NRP1: variants seen among roughly 807,000 people sequenced by gnomAD.
NRP1 encodes the protein neuropilin 1.
A neutral mutation model predicts 106.7 loss-of-function variants in NRP1; 35 were observed. The ratio of observed to expected loss-of-function variants is 0.33; its 90% CI spans 0.25 to 0.43. The LOEUF (loss-of-function observed/expected upper bound fraction) is 0.43, where lower values mean the gene tolerates loss of function less well. Ranked by LOEUF, NRP1 falls within the 20% of genes least tolerant of loss-of-function variation. The probability of loss-of-function intolerance (pLI) is 1.00; values close to 1 mark genes in which losing one functional copy is unlikely to be tolerated. For synonymous variants in NRP1, 437 were observed against 417.9 expected, an observed-to-expected ratio of 1.05 and a Z score of -0.56; for missense variants, 1,024 against 1,170.4, an observed-to-expected ratio of 0.87 and a Z score of 1.83.
At chr10:33,223,580 A>C (rs1477503337) in intron 7 of NRP1, among the ~76,000 whole-genome samples, 1 of 152,090 alleles carries the variant, frequency 6.6e-6, no homozygotes, top group Non-Finnish European at 1.5e-5. Flanking sequence ...GTGAGTTATG[A>C]TTGCACCACT....
rs569120357 is a variant in NRP1, at chr10:33,230,678, A to G, written c.982-4389T>C. 2.6e-4 allele frequency among the ~76,000 whole-genome samples: 39 copies of G among 151,968 alleles called. 1 individual carries two copies. In the South Asian group the frequency reaches 6.3e-3, roughly 24 times the overall value. ...CACTTTCCTACAACTTATCCGCCCTAGAAGCCCAAACCCTCTTTCTTTTCT... is the reference window on the plus strand; with the variant it reads ...CACTTTCCTACAACTTATCCGCCCTGGAAGCCCAAACCCTCTTTCTTTTCT... On this transcript the variant is annotated intron_variant, in intron 6 of 16. Coordinates refer to ENST00000374867, the MANE Select transcript of NRP1 (RefSeq NM_003873.7).
chr10:33,285,032 T>C (rs1055448090), intron 2 of NRP1, among the ~76,000 whole-genome samples: 2 of 152,238 alleles, frequency 1.3e-5, no homozygotes, highest in African/African-American at 4.8e-5. Flanking sequence ...TTCTTTCTCC[T>C]ATTCTGCCTT....
intron 10 of NRP1, among the ~76,000 whole-genome samples, chr10:33,206,582 T>C (rs1837802314): frequency 1.3e-5 from 2 of 152,182 alleles, no homozygotes; most frequent in African/African-American, 2.4e-5. Flanking sequence ...CACAAATAAT[T>C]TTAAAATTGC....
chr10:33,330,957 T>C, intron 1 of NRP1, 75 bp from the exon 2 acceptor site: 1 of 1,310,798 alleles, frequency 7.6e-7, no homozygotes, highest in East Asian at 2.4e-5. Flanking sequence ...TGTAAATTAC[T>C]GGTTATTAAA....
At chr10:33,228,565 T>A (rs1297877890) in intron 6 of NRP1, among the ~76,000 whole-genome samples, 1 of 152,200 alleles carries the variant, frequency 6.6e-6, no homozygotes, top group Non-Finnish European at 1.5e-5. Context: ...GCCTGCCTCA[T>A]GGAGGCATAT....
intron 3 of NRP1, among the ~76,000 whole-genome samples, chr10:33,266,281 G>A (rs879552030): frequency 2.6e-5 from 4 of 152,006 alleles, no homozygotes; most frequent in African/African-American, 7.2e-5. Context: ...TGTGTATTTC[G>A]ACAAAACATG....
At chr10:33,210,952 T>C (rs78631561) in intron 9 of NRP1, among the ~76,000 whole-genome samples, 36 of 152,328 alleles carry the variant, frequency 2.4e-4, no homozygotes, top group Non-Finnish European at 2.5e-4. Flanking sequence ...TGGAAGGGTG[T>C]GTTAAGGAAT....
At chr10:33,202,574 G>GGGT (rs1837414506) in intron 11 of NRP1, 6 of 1,425,682 alleles carry the variant, frequency 4.2e-6, no homozygotes, top group East Asian at 2.6e-5. Context: ...TATTGGGGGG[G>GGGT]GGTCTGAAAA....
Position 33,179,032 on chromosome 10 carries a change from G to A in NRP1, c.*1044C>T, listed in dbSNP as rs887243752. The A allele has an allele frequency of 6.6e-6, 1 of 152,600 alleles. No individual in the cohort carries two copies. Among genetic ancestry groups the A allele is most frequent in the East Asian group, 1.9e-4 (1 of 5,202 alleles). The allele number at this position is 152,600 out of a possible 1,614,324, so 9.5% of individuals were successfully genotyped here. A position where few individuals can be genotyped will look rare whatever the true frequency, so the allele number is the denominator to read the frequency against. On this transcript the variant is annotated 3_prime_UTR_variant, in exon 17 of 17. Transcript: ENST00000374867. Reference sequence around the variant, plus strand: ...AGAGATAGGAGAGAGAAAGAGAAGAGAGTTTACATTTGAAAATACATTCCA... The same window carrying A: ...AGAGATAGGAGAGAGAAAGAGAAGAAAGTTTACATTTGAAAATACATTCCA...
chr10:33,328,730 A>T (rs1022127969), intron 2 of NRP1, among the ~76,000 whole-genome samples: 3 of 152,172 alleles, frequency 2.0e-5, no homozygotes, highest in Admixed American at 2.0e-4. Context: ...CTATGATGAG[A>T]GTATTTACAC....
intron 2 of NRP1, among the ~76,000 whole-genome samples, chr10:33,298,805 C>T (rs12573218): frequency 0.11 from 16,125 of 152,146 alleles, 1,049 homozygotes; most frequent in Non-Finnish European, 0.14. Context: ...ACACGCATAC[C>T]ACCAGGCACA....
intron 2 of NRP1, among the ~76,000 whole-genome samples, chr10:33,323,201 C>A (rs565903909): frequency 1.3e-5 from 2 of 151,616 alleles, no homozygotes; most frequent in Admixed American, 6.6e-5. Context: ...GAAGCCCCCC[C>A]ATCCTTCTGT....
intron 13 of NRP1, 150 bp downstream of exon 13, chr10:33,192,131 G>A (rs1836460237): frequency 2.4e-6 from 2 of 821,934 alleles, no homozygotes; most frequent in South Asian, 4.0e-5. Context: ...AAGAGACATT[G>A]TTAATTCTAG....
chr10:33,186,633 C>A (rs745670663), intron 13 of NRP1, 145 bp from the exon 14 acceptor site: 34 of 918,876 alleles, frequency 3.7e-5, no homozygotes, highest in Non-Finnish European at 5.2e-5. Flanking sequence ...AGTGTGCACA[C>A]TTGGGGACCT....
chr10:33,200,486 A>G (rs972933164), intron 11 of NRP1, among the ~76,000 whole-genome samples: 8 of 152,176 alleles, frequency 5.3e-5, no homozygotes, highest in Non-Finnish European at 1.2e-4. Context: ...TCTAGATACA[A>G]GTAGGTCACC....
chr10:33,191,977 C>CAAA (rs58214479), intron 13 of NRP1, among the ~76,000 whole-genome samples: 4 of 71,698 alleles, frequency 5.6e-5, no homozygotes, highest in African/African-American at 1.2e-4. Flanking sequence ...GACTCCATTT[C>CAAA]AAAAAAAAAA....
chr10:33,253,896 T>G (rs1330951937), intron 6 of NRP1, 132 bp downstream of exon 6: 2 of 733,718 alleles, frequency 2.7e-6, no homozygotes, highest in Non-Finnish European at 4.4e-6. Flanking sequence ...CTTGCAGTGA[T>G]TTATACCTGA....
At chr10:33,234,865 C>T (rs188725117) in intron 6 of NRP1, among the ~76,000 whole-genome samples, 1 of 152,280 alleles carries the variant, frequency 6.6e-6, no homozygotes, top group African/African-American at 2.4e-5. Context: ...AGACTTGATC[C>T]AGCCAGTTAG....
intron 2 of NRP1, among the ~76,000 whole-genome samples, chr10:33,292,247 A>T (rs1845050182): frequency 6.6e-6 from 1 of 152,168 alleles, no homozygotes; most frequent in African/African-American, 2.4e-5. Flanking sequence ...CTCTCATCTT[A>T]AACTTTTCCA....
Sources: allele counts gnomAD v4.1 joint callset (sites outside exome capture counted in the v4.1 genomes callset), GRCh38; gene constraint gnomAD v4.1.1; transcripts MANE v1.5; gene names NCBI Gene and HGNC (gene_info 2026-07-23, HGNC 2026-07-21).